Variants in CHN2 observed in about 807,000 individuals in gnomAD.
The protein encoded by CHN2 is beta-chimaerin.
In CHN2, 35 loss-of-function variants were observed where a neutral mutation model predicts 56.3. That is an observed-to-expected ratio of 0.62 (90% CI 0.47 to 0.82). The LOEUF is 0.82. Among genes scored for constraint, CHN2 ranks in the 40% least tolerant of loss-of-function variants. The pLI is 0.00. For synonymous variants in CHN2, 210 were observed against 212.8 expected, an observed-to-expected ratio of 0.99 and a Z score of 0.12; for missense variants, 491 against 580.5, an observed-to-expected ratio of 0.85 and a Z score of 1.58.
At chr7:29,213,925 A>C (rs933222418) in intron 1 of CHN2, among the ~76,000 whole-genome samples, 1 of 152,202 alleles carries the variant, frequency 6.6e-6, no homozygotes, top group Non-Finnish European at 1.5e-5. Flanking sequence ...ATCTTTGTGC[A>C]TACATTCACA....
chr7:29,260,983 G>C (rs995166900), intron 1 of CHN2, among the ~76,000 whole-genome samples: 3 of 152,054 alleles, frequency 2.0e-5, no homozygotes, highest in African/African-American at 7.2e-5. Context: ...CCTTTTGATG[G>C]GGAAATTAGA....
At chr7:29,388,842 C>T (rs1328753759) in intron 3 of CHN2, among the ~76,000 whole-genome samples, 2 of 152,160 alleles carry the variant, frequency 1.3e-5, no homozygotes, top group Admixed American at 6.5e-5. Flanking sequence ...TATAGGAGCA[C>T]GGTGTGTGGA....
At chr7:29,361,067 C>A (rs573201280) in intron 2 of CHN2, among the ~76,000 whole-genome samples, 1 of 152,304 alleles carries the variant, frequency 6.6e-6, no homozygotes, top group Admixed American at 6.5e-5. Context: ...GCTGGGAATT[C>A]CTGGCACATA....
At position 29,188,948 on chromosome 7, in the gene CHN2, C is replaced by CTT. The variant is rs11376135; in HGVS notation, c.274+42005_274+42006dup. ...AGCAAGGATATAGTTTTCCTCATACCTTTTTTTTTTTTTTTTTTGAGACAG... is the reference window on the plus strand; with the variant it reads ...AGCAAGGATATAGTTTTCCTCATACCTTTTTTTTTTTTTTTTTTTTGAGACAG... On this transcript the variant is annotated intron_variant, in intron 2 of 6. Coordinates refer to the CHN2 transcript ENST00000439384. Among the ~76,000 whole-genome samples, 874 of 129,932 alleles carry CTT rather than the reference C, an allele frequency of 6.7e-3. 20 individuals are homozygous for CTT. The highest frequency in any genetic ancestry group is 0.02 in the African/African-American group (673 of 34,224). The allele number at this position is 129,932 out of a possible 152,430, so 85.2% of individuals were successfully genotyped here. A position where few individuals can be genotyped will look rare whatever the true frequency, so the allele number is the denominator to read the frequency against.
At chr7:29,192,522 A>C (rs1783022090), upstream of CHN2, 1 of 152,240 alleles carries the variant, frequency 6.6e-6, no homozygotes, top group African/African-American at 2.4e-5. Flanking sequence ...ATTTCCCCCT[A>C]GTAGAACAGG....
At chr7:29,239,692 A>G (rs1584831468) in intron 1 of CHN2, among the ~76,000 whole-genome samples, 2 of 152,296 alleles carry the variant, frequency 1.3e-5, no homozygotes, top group South Asian at 4.1e-4. Context: ...TGATTCCTCC[A>G]GATCACATAT....
chr7:29,416,893 T>C (rs965600999), intron 6 of CHN2, among the ~76,000 whole-genome samples: 3 of 152,204 alleles, frequency 2.0e-5, no homozygotes, highest in Non-Finnish European at 4.4e-5. Context: ...GATGCGACAT[T>C]TCCTCCCATT....
intron 1 of CHN2, chr7:29,198,091 T>G (rs956701355): frequency 4.4e-6 from 2 of 454,690 alleles, no homozygotes; most frequent in Non-Finnish European, 8.8e-6. Flanking sequence ...CTGCTGCTGA[T>G]GTAGGAGGTT....
intron 1 of CHN2, among the ~76,000 whole-genome samples, chr7:29,326,842 A>T (rs1795838824): frequency 6.6e-6 from 1 of 152,196 alleles, no homozygotes; most frequent in Non-Finnish European, 1.5e-5. Flanking sequence ...ATGAATATGT[A>T]CTGATAATAA....
At chr7:29,167,317 A>G (rs1321395766) in intron 2 of CHN2, among the ~76,000 whole-genome samples, 1 of 152,228 alleles carries the variant, frequency 6.6e-6, no homozygotes, top group Non-Finnish European at 1.5e-5. Context: ...AAATTCAACC[A>G]GATGAACATG....
intron 1 of CHN2, among the ~76,000 whole-genome samples, chr7:29,314,606 C>T (rs769542646): frequency 5.9e-5 from 9 of 152,098 alleles, no homozygotes; most frequent in Non-Finnish European, 1.3e-4. Flanking sequence ...AAAGTAACAT[C>T]ACCACCAACA....
Position 29,252,206 on chromosome 7 carries a change from T to TTA in CHN2, c.49+57217_49+57218insAT, listed in dbSNP as rs1365888030. On this transcript the variant is annotated intron_variant, in intron 1 of 12. Transcript: ENST00000222792. Reference sequence around the variant, plus strand: ...TACAGGATTTTTTTTTTTTTTTTTTTTTTAGACAGTCTTGCTCTGTTGCCC... The same window carrying TTA: ...TACAGGATTTTTTTTTTTTTTTTTTTTATTTAGACAGTCTTGCTCTGTTGCCC... Among the ~76,000 whole-genome samples, 795 of 150,494 alleles carry TTA rather than the reference T, an allele frequency of 5.3e-3. 10 individuals are homozygous for TTA. The highest frequency in any genetic ancestry group is 0.018 in the African/African-American group (750 of 40,648).
chr7:29,456,622 C>A (rs1035913808), intron 6 of CHN2, among the ~76,000 whole-genome samples: 1 of 146,238 alleles, frequency 6.8e-6, no homozygotes, highest in Non-Finnish European at 1.5e-5. Context: ...CCCTCCCCCC[C>A]ACCACCACCA....
At chr7:29,494,644 C>T (rs2128566735) in intron 7 of CHN2, among the ~76,000 whole-genome samples, 1 of 152,242 alleles carries the variant, frequency 6.6e-6, no homozygotes, top group African/African-American at 2.4e-5. Flanking sequence ...ATATAATAGG[C>T]AGTTTGCATA....
chr7:29,359,044 G>A (rs1798534589), intron 2 of CHN2, among the ~76,000 whole-genome samples: 1 of 152,134 alleles, frequency 6.6e-6, no homozygotes, highest in South Asian at 2.1e-4. Context: ...TTATCCAAAA[G>A]CAACAGGCAA....
chr7:29,355,260 C>T (rs1050627550), intron 2 of CHN2, among the ~76,000 whole-genome samples: 39 of 152,198 alleles, frequency 2.6e-4, no homozygotes, highest in African/African-American at 8.2e-4. Flanking sequence ...CATGAGCCAC[C>T]GCGCCCAGCC....
At chr7:29,408,590 C>G (rs759095620) in intron 6 of CHN2, among the ~76,000 whole-genome samples, 1 of 152,188 alleles carries the variant, frequency 6.6e-6, no homozygotes, top group Non-Finnish European at 1.5e-5. Context: ...TTTGGCTTTG[C>G]TCCCTTTCCA....
chr7:29,268,514 A>G (rs1395656671), intron 1 of CHN2, among the ~76,000 whole-genome samples: 1 of 144,304 alleles, frequency 6.9e-6, no homozygotes, highest in Non-Finnish European at 1.5e-5. Flanking sequence ...TTCTGCACCA[A>G]TTCTCAGGGA....
intron 1 of CHN2, among the ~76,000 whole-genome samples, chr7:29,205,103 A>G (rs900651059): frequency 3.3e-5 from 5 of 152,226 alleles, no homozygotes; most frequent in Admixed American, 3.3e-4. Flanking sequence ...CTTTTCATAA[A>G]TAGCTGAGTG....
Sources: allele counts gnomAD v4.1 joint callset (sites outside exome capture counted in the v4.1 genomes callset), GRCh38; gene constraint gnomAD v4.1.1; transcripts MANE v1.5; gene names NCBI Gene and HGNC (gene_info 2026-07-23, HGNC 2026-07-21).